Variants in CELSR2 observed in about 807,000 individuals in gnomAD.
CELSR2 encodes EGF-like protein 2.
A neutral mutation model predicts 251.6 loss-of-function variants in CELSR2; 81 were observed. The observed-to-expected ratio is 0.32, with a 90% CI of 0.27 to 0.39. The LOEUF (loss-of-function observed/expected upper bound fraction) is 0.39, where lower values mean the gene tolerates loss of function less well. Among genes scored for constraint, CELSR2 ranks in the 10% least tolerant of loss-of-function variants. The pLI is 1.00. For synonymous variants in CELSR2, 1,721 were observed against 1,670.5 expected (o/e 1.03, Z -0.74); for missense variants, 3,365 against 3,947.7 (o/e 0.85, Z 3.96).
chr1:109,264,039 G>A (rs1277217145), intron 9 of CELSR2, 39 bp from the exon 10 acceptor site: 1 of 1,539,534 alleles, frequency 6.5e-7, no homozygotes. Flanking sequence ...AGTGATTAAG[G>A]CCGTCTGCTG....
chr1:109,274,294 C>A lies in CELSR2; in HGVS notation c.*245C>A. ...TTTGGACCCCTGGGGCCAACATCTCCAAGACAAAGTTTTTCAGAAAAGAGG... is the reference window on the plus strand; with the variant it reads ...TTTGGACCCCTGGGGCCAACATCTCAAAGACAAAGTTTTTCAGAAAAGAGG... On this transcript the variant is annotated 3_prime_UTR_variant, in exon 34 of 34. Transcript: ENST00000271332. 2 of 838,820 alleles carry A rather than the reference C, an allele frequency of 2.4e-6. No homozygotes were observed. Among genetic ancestry groups the A allele is most frequent in the Non-Finnish European group, 1.7e-6 (1 of 578,260 alleles). 52.0% of individuals were successfully genotyped at this position (838,820 alleles called of 1,614,324 possible).
chr1:109,262,479 T>G, intron 6 of CELSR2, 35 bp downstream of exon 6: 1 of 1,606,260 alleles, frequency 6.2e-7, no homozygotes, highest in Non-Finnish European at 8.5e-7. Context: ...TGGGGTGAAG[T>G]GAGGGCAGGG....
chr1:109,269,114 G>C lies in CELSR2; in HGVS notation c.6636G>C (p.Thr2212=), dbSNP rs376120413. 6.3e-7 allele frequency: 1 copy of C among 1,598,776 alleles called. No homozygotes were observed. The part of the protein sequence containing the change: ...VILPESVFRE[T]PPVVRPAGPG... ...TGTGACAGTGTCCCCTCCCAGAGAC[G>C]CCCCCCGTGGTCAGGCCCGCAGGCC... The change falls in exon 20 of 34, where the codon ACG becomes ACC. Residue 2212 remains threonine, a synonymous_variant. Transcript: ENST00000271332. The surrounding 1 kb of genome is among the most constrained non-coding windows in gnomAD (Gnocchi z 6.4).
In CELSR2 at chr1:109,258,801, TCGA is replaced by T; in HGVS notation, c.3685_3687del (p.Asp1229del). Reference sequence around the variant, plus strand: ...ATCTCGGCACAGCGCGTGCTGCCCTTCGACGACAACATCTGCCTGCGGGAGCCC... The same window carrying T: ...ATCTCGGCACAGCGCGTGCTGCCCTTCGACAACATCTGCCTGCGGGAGCCC... On this transcript the variant is annotated inframe_deletion, in exon 2 of 34. Coordinates refer to ENST00000271332, the MANE Select transcript of CELSR2 (RefSeq NM_001408.3). The T allele has an allele frequency of 6.2e-7, 1 of 1,610,572 alleles. No homozygotes were observed.
At chr1:109,257,600 A>G (rs1279032047) in intron 1 of CELSR2, among the ~76,000 whole-genome samples, 1 of 152,142 alleles carries the variant, frequency 6.6e-6, no homozygotes, top group Non-Finnish European at 1.5e-5. Flanking sequence ...GTAATGGTTG[A>G]GCCAAGTGGG....
rs1656026569 is a variant in CELSR2, at chr1:109,261,736, G to C, written c.4298-72G>C. The C allele has an allele frequency of 1.9e-6, 3 of 1,548,656 alleles. No homozygotes were observed. Among genetic ancestry groups the C allele is most frequent in the Non-Finnish European group, 8.8e-7 (1 of 1,131,730 alleles). ...TCAGCCAAATCTGGGCCCAGCCCCA[G>C]CCACTGGCACCCCAAACCCTGCCAT... is the stretch of plus-strand genomic sequence containing the variant. On this transcript the variant is annotated intron_variant, in intron 4 of 33. Coordinates refer to ENST00000271332, the MANE Select transcript of CELSR2 (RefSeq NM_001408.3). This position sits in a 1 kb window ranked among gnomAD's most constrained non-coding sequence, Gnocchi z 4.8.
intron 8 of CELSR2, 31 bp downstream of exon 8, chr1:109,263,298 C>T: frequency 6.4e-7 from 1 of 1,552,390 alleles, no homozygotes; most frequent in Non-Finnish European, 8.8e-7. Flanking sequence ...AGGCCACAGC[C>T]TGGGTGCCAT....
rs1349632747 is a variant in CELSR2 at position 109,275,750 on chromosome 1, T to A, written c.*1701T>A. On this transcript the variant is annotated 3_prime_UTR_variant, in exon 34 of 34. Transcript: ENST00000271332. ...ACTGAATAAACTAGTTCTGTGCGGGTACAGCACTGTCACTGTCCGCTTCTG... is the reference window on the plus strand; with the variant it reads ...ACTGAATAAACTAGTTCTGTGCGGGAACAGCACTGTCACTGTCCGCTTCTG... The A allele has an allele frequency of 6.6e-6, 1 of 152,208 alleles. No individual in the cohort carries two copies. The highest frequency in any genetic ancestry group is 1.5e-5 in the Non-Finnish European group (1 of 68,048). 9.4% of individuals were successfully genotyped at this position (152,208 alleles called of 1,614,324 possible). A position where few individuals can be genotyped will look rare whatever the true frequency, so the allele number is the denominator to read the frequency against.
intron 1 of CELSR2, among the ~76,000 whole-genome samples, chr1:109,254,386 C>T (rs974953158): frequency 6.6e-6 from 1 of 152,176 alleles, no homozygotes; most frequent in African/African-American, 2.4e-5. Context: ...CCTACAGACT[C>T]CCTGGACAGC....
Position 109,258,536 on chromosome 1 carries a change from G to C in CELSR2, c.3415G>C (p.Glu1139Gln). 1 of 1,605,070 alleles carries C rather than the reference G, an allele frequency of 6.2e-7. No individual in the cohort carries two copies. Among genetic ancestry groups the C allele is most frequent in the Non-Finnish European group, 8.5e-7 (1 of 1,176,158 alleles). The change falls in exon 2 of 34, where the codon GAG becomes CAG. Residue 1139 changes from glutamate (E) to glutamine (Q), a missense_variant. By Grantham distance (29) the Glu-to-Gln change is conservative (BLOSUM62 2). Coordinates refer to ENST00000271332, the MANE Select transcript of CELSR2 (RefSeq NM_001408.3). Reference sequence around the variant, plus strand: ...GCTGCGCCTGGAGGACATGTCACCCGAGCGCTTCCTGTCACCACTGCTAGG... The same window carrying C: ...GCTGCGCCTGGAGGACATGTCACCCCAGCGCTTCCTGTCACCACTGCTAGG... ...ITLRLEDMSP[E>Q]RFLSPLLGLF... is the part of the protein sequence containing the mutation.
rs894202691 is a variant in CELSR2, at chr1:109,261,712, C to T, written c.4297+84C>T. On this transcript the variant is annotated intron_variant, in intron 4 of 33. Coordinates refer to ENST00000271332, the MANE Select transcript of CELSR2 (RefSeq NM_001408.3). The surrounding 1 kb of genome is among the most constrained non-coding windows in gnomAD (Gnocchi z 4.8). Reference sequence around the variant, plus strand: ...CCTGACCCCAAGCCACATACTCTATCAGCCAAATCTGGGCCCAGCCCCAGC... The same window carrying T: ...CCTGACCCCAAGCCACATACTCTATTAGCCAAATCTGGGCCCAGCCCCAGC... 2 of 1,547,260 alleles carry T rather than the reference C, an allele frequency of 1.3e-6. No homozygotes were observed. Among genetic ancestry groups the T allele is most frequent in the African/African-American group, 2.7e-5 (2 of 73,474 alleles).
At chr1:109,270,739 T>C in intron 24 of CELSR2, 139 bp downstream of exon 24, 1 of 1,202,072 alleles carries the variant, frequency 8.3e-7, no homozygotes, top group Non-Finnish European at 1.2e-6. Flanking sequence ...GTCCCTCTGG[T>C]TTAACCCAGA....
At position 109,265,988 on chromosome 1, in the gene CELSR2, G is replaced by C. The variant is rs930360599; in HGVS notation, c.5911+70G>C. 9 of 1,582,304 alleles carry C rather than the reference G, an allele frequency of 5.7e-6. No individual in the cohort carries two copies. The African/African-American group carries it at 1.2e-4, about 21-fold the overall frequency. ...AGGCACCTGCACCCCAGGAAAGCCA[G>C]GAAGGGGCTGGTTGCAGGCCTGGGG... On this transcript the variant is annotated intron_variant, in intron 14 of 33. Coordinates refer to ENST00000271332, the MANE Select transcript of CELSR2 (RefSeq NM_001408.3).
In CELSR2 at chr1:109,274,022, A is replaced by G; in HGVS notation, c.8745A>G (p.Glu2915=). 1.2e-6 allele frequency: 2 copies of G among 1,613,750 alleles called. No homozygotes were observed. Among genetic ancestry groups the G allele is most frequent in the South Asian group, 1.1e-5 (1 of 91,060 alleles). ...CCACTTTCCTTTCCTGCCTCTCCAGATTTCTCTTCTTTAACTTCCTGCATT... is the reference window on the plus strand; with the variant it reads ...CCACTTTCCTTTCCTGCCTCTCCAGGTTTCTCTTCTTTAACTTCCTGCATT... The part of the protein sequence containing the change: ...GTVDEDSSGS[E]FLFFNFLH The change falls in exon 34 of 34, where the codon GAA becomes GAG. Residue 2915 remains glutamate (E), a splice_region_variant and synonymous_variant. Transcript: ENST00000271332.
At chr1:109,260,788 G>A (rs189180341) in intron 2 of CELSR2, among the ~76,000 whole-genome samples, 79 of 152,318 alleles carry the variant, frequency 5.2e-4, no homozygotes, top group African/African-American at 1.8e-3. Flanking sequence ...GGGACTCCGA[G>A]GAACTTGCAG....
At position 109,251,079 on chromosome 1, in the gene CELSR2, G is replaced by A; in HGVS notation, c.1000G>A (p.Gly334Ser). The change falls in exon 1 of 34, where the codon GGC (glycine) becomes AGC (serine). Residue 334 changes from glycine (G) to serine (S), a missense_variant. Coordinates refer to ENST00000271332, the MANE Select transcript of CELSR2 (RefSeq NM_001408.3). This position sits in a 1 kb window ranked among gnomAD's most constrained non-coding sequence, Gnocchi z 4.9. Reference protein sequence around the residue: ...ILYRLLEGSGGSPSEVFEIDP... With the variant: ...ILYRLLEGSGSSPSEVFEIDP... ...GTACCGCCTGCTGGAGGGGTCTGGG[G>A]GCAGCCCCTCTGAAGTCTTTGAGAT... is the stretch of plus-strand genomic sequence containing the variant. The A allele has an allele frequency of 6.2e-7, 1 of 1,613,456 alleles. No individual in the cohort carries two copies. The highest frequency in any genetic ancestry group is 8.5e-7 in the Non-Finnish European group (1 of 1,179,920).
At position 109,252,533 on chromosome 1, in the gene CELSR2, C is replaced by G; in HGVS notation, c.2454C>G (p.Asp818Glu). 1 of 1,613,920 alleles carries G rather than the reference C, an allele frequency of 6.2e-7. No homozygotes were observed. Among genetic ancestry groups the G allele is most frequent in the East Asian group, 2.2e-5 (1 of 44,892 alleles). Residue 818 changes from aspartate (D) to glutamate (E), a missense_variant, in exon 1 of 34, where the codon GAC (aspartate) becomes GAG (glutamate). Coordinates refer to ENST00000271332, the MANE Select transcript of CELSR2 (RefSeq NM_001408.3). The surrounding 1 kb of genome is among the most constrained non-coding windows in gnomAD (Gnocchi z 4.8). ...ACAATGCCCCTCAGTTCCTGCGAGA[C>G]TCCTACCAGGGCAGTGTCTATGAGG... ...VNDNAPQFLRDSYQGSVYEDV... is the reference protein window; with the variant it reads ...VNDNAPQFLRESYQGSVYEDV...
At position 109,250,704 on chromosome 1, in the gene CELSR2, G is replaced by A; in HGVS notation, c.625G>A (p.Asp209Asn). Reference protein sequence around the residue: ...PVASLRAIDPDEGEAGRLEYT... With the variant: ...PVASLRAIDPNEGEAGRLEYT... The stretch of plus-strand genomic sequence containing the variant: ...TGCATCCCTGAGGGCCATCGACCCG[G>A]ACGAGGGTGAGGCAGGTCGACTGGA... Residue 209 changes from aspartate to asparagine, a missense_variant, in exon 1 of 34, where the codon GAC (aspartate) becomes AAC (asparagine). Around this residue, in one of 5 missense-constraint regions of CELSR2, gnomAD observed 704 missense variants for 784.1 expected, o/e 0.90. Transcript: ENST00000271332. This position sits in a 1 kb window ranked among gnomAD's most constrained non-coding sequence, Gnocchi z 4.4. 6.2e-7 allele frequency: 1 copy of A among 1,614,128 alleles called. No individual in the cohort carries two copies. Among genetic ancestry groups the A allele is most frequent in the Non-Finnish European group, 8.5e-7 (1 of 1,180,038 alleles).
At chr1:109,253,675 C>T (rs1214295096) in intron 1 of CELSR2, among the ~76,000 whole-genome samples, 1 of 152,168 alleles carries the variant, frequency 6.6e-6, no homozygotes, top group South Asian at 2.1e-4. Flanking sequence ...GAGGCTGCCC[C>T]GGCTATGGCT....
Sources: gnomAD v4.1 joint callset for allele counts (sites outside exome capture counted in the v4.1 genomes callset) on GRCh38, gnomAD v4.1.1 for gene constraint, gnomAD v4.1.1 regional missense constraint, Gnocchi (gnomAD v3.1) non-coding constraint, MANE v1.5 for transcripts, NCBI Gene and HGNC (gene_info 2026-07-23, HGNC 2026-07-21) for gene names.